RFX7: variants seen among roughly 807,000 people sequenced by gnomAD.
The protein encoded by RFX7 is regulatory factor X7.
Under a neutral mutation model 111.8 loss-of-function variants are expected in RFX7, and 26 were observed. The observed-to-expected ratio is 0.23, with a 90% CI of 0.17 to 0.32. The LOEUF is 0.32. Among genes scored for constraint, RFX7 ranks in the 10% least tolerant of loss-of-function variants. The probability of loss-of-function intolerance (pLI) is 1.00; values close to 1 mark genes in which losing one functional copy is unlikely to be tolerated. For synonymous variants in RFX7, 624 were observed against 624.4 expected (o/e 1.00, Z 0.01); for missense variants, 1,573 against 1,772.9 (o/e 0.89, Z 2.02).
intron 3 of RFX7, among the ~76,000 whole-genome samples, chr15:56,178,075 T>C (rs1284434657): frequency 6.6e-6 from 1 of 151,192 alleles, no homozygotes; most frequent in Admixed American, 6.6e-5. Flanking sequence ...GCAAGAGCAT[T>C]GGTGTCTTCA....
At chr15:56,239,062 G>A (rs2043657227) in intron 2 of RFX7, among the ~76,000 whole-genome samples, 1 of 152,044 alleles carries the variant, frequency 6.6e-6, no homozygotes, top group Non-Finnish European at 1.5e-5. Context: ...GCAAACTCCT[G>A]AACTCAGGCA....
intron 2 of RFX7, 83 bp downstream of exon 2, chr15:56,243,042 T>G: frequency 6.8e-4 from 371 of 543,018 alleles, no homozygotes; most frequent in Non-Finnish European, 1.1e-3. Context: ...CCTCCTCCGC[T>G]CCCCCCGCCC....
At chr15:56,230,141 G>A (rs189103331) in intron 2 of RFX7, among the ~76,000 whole-genome samples, 16 of 152,254 alleles carry the variant, frequency 1.1e-4, no homozygotes, top group African/African-American at 3.6e-4. Flanking sequence ...TCAATGTTAA[G>A]GGGTCTTTAA....
At chr15:56,127,142 T>G (rs1412558268) in intron 5 of RFX7, among the ~76,000 whole-genome samples, 1 of 152,070 alleles carries the variant, frequency 6.6e-6, no homozygotes, top group Non-Finnish European at 1.5e-5. Flanking sequence ...ACAATGTATT[T>G]TCCCTGGTCA....
intron 6 of RFX7, 43 bp downstream of exon 6, chr15:56,103,511 G>T: frequency 1.6e-6 from 2 of 1,233,434 alleles, no homozygotes; most frequent in South Asian, 1.4e-5. Context: ...TATAACAAGT[G>T]AGAACACAGA....
intron 2 of RFX7, among the ~76,000 whole-genome samples, chr15:56,181,204 C>G (rs1485212218): frequency 6.6e-6 from 1 of 152,224 alleles, no homozygotes; most frequent in African/African-American, 2.4e-5. Context: ...AGCCAGGCAG[C>G]CTCCGTGATA....
chr15:56,161,383 T>C (rs1203520219), intron 3 of RFX7, among the ~76,000 whole-genome samples: 2 of 152,200 alleles, frequency 1.3e-5, no homozygotes, highest in East Asian at 3.9e-4. Context: ...TACTCCAAGA[T>C]AGACATGTAA....
At position 56,094,379 on chromosome 15, in the gene RFX7, G is replaced by T. The variant is rs7170589; in HGVS notation, c.3349C>A (p.His1117Asn). The T allele has an allele frequency of 1.9e-6, 3 of 1,613,836 alleles. No individual in the cohort carries two copies. In the African/African-American group the frequency reaches 4.0e-5, roughly 22 times the overall value. Reference protein sequence around the residue: ...YQSQSRHHDTHFGRLTPVSPV... With the variant: ...YQSQSRHHDTNFGRLTPVSPV... ...GAGACAGGAGTCAAACGACCAAAATGAGTGTCATGATGTCTGGATTGAGAC... is the reference window on the plus strand; with the variant it reads ...GAGACAGGAGTCAAACGACCAAAATTAGTGTCATGATGTCTGGATTGAGAC... Residue 1117 changes from histidine to asparagine, a missense_variant, in exon 10 of 10, where the codon CAT becomes AAT. Transcript: ENST00000559447.
intron 3 of RFX7, among the ~76,000 whole-genome samples, chr15:56,148,564 C>T (rs1471129210): frequency 6.6e-6 from 1 of 152,170 alleles, no homozygotes; most frequent in African/African-American, 2.4e-5. Flanking sequence ...ACCCCCTTCC[C>T]TTCTAAAACT....
intron 3 of RFX7, among the ~76,000 whole-genome samples, chr15:56,152,230 C>G (rs1180231014): frequency 2.0e-5 from 3 of 152,148 alleles, no homozygotes; most frequent in African/African-American, 7.2e-5. Context: ...AACTCTCCAC[C>G]CCAAATCAAC....
chr15:56,244,417 G>GC (rs2043788442), upstream of RFX7: 1 of 152,194 alleles, frequency 6.6e-6, no homozygotes, highest in South Asian at 2.1e-4. Context: ...GGCATTCAAA[G>GC]CCCTCCAAAT....
intron 2 of RFX7, among the ~76,000 whole-genome samples, chr15:56,207,944 G>A (rs1244972924): frequency 1.3e-5 from 2 of 152,152 alleles, no homozygotes; most frequent in Admixed American, 6.5e-5. Context: ...AAACCTGCAT[G>A]AGAATCTGTA....
At chr15:56,211,226 C>A (rs1015191825) in intron 2 of RFX7, among the ~76,000 whole-genome samples, 2 of 152,094 alleles carry the variant, frequency 1.3e-5, no homozygotes, top group Non-Finnish European at 2.9e-5. Flanking sequence ...CAATCCTCTA[C>A]AGTCCTTTTC....
intron 3 of RFX7, among the ~76,000 whole-genome samples, chr15:56,149,058 C>T (rs1226529540): frequency 2.1e-5 from 3 of 142,528 alleles, no homozygotes; most frequent in African/African-American, 7.9e-5. Context: ...ACTCCAGCCT[C>T]AGCGACAGAG....
At chr15:56,131,835 G>A (rs1181840156) in intron 5 of RFX7, among the ~76,000 whole-genome samples, 3 of 151,646 alleles carry the variant, frequency 2.0e-5, no homozygotes, top group African/African-American at 4.9e-5. Context: ...AAGATTCACA[G>A]GATAAACTAT....
intron 3 of RFX7, among the ~76,000 whole-genome samples, chr15:56,154,813 A>T (rs2141062162): frequency 6.6e-6 from 1 of 152,376 alleles, no homozygotes; most frequent in South Asian, 2.1e-4. Context: ...GCTTCTGCAC[A>T]GCAAAAGAAA....
chr15:56,179,761 A>AACAC (rs58597217), intron 2 of RFX7, among the ~76,000 whole-genome samples: 5,373 of 137,166 alleles, frequency 0.039, 116 homozygotes, highest in African/African-American at 0.045. Flanking sequence ...TCTCTGTCTC[A>AACAC]ACACACACAC....
In RFX7 at chr15:56,102,204, G is replaced by A. The variant is rs968796871; in HGVS notation, c.568C>T (p.Leu190=). 3.1e-6 allele frequency: 5 copies of A among 1,613,022 alleles called. No homozygotes were observed. In the African/African-American group the frequency reaches 5.3e-5, roughly 17 times the overall value. ...GTTTTGTGAAAGTCAAGGTTGGGCA[G>A]TGTTGGCATATGAACAAAAGCTTTT... The part of the protein sequence containing the change: ...RKKAFVHMPT[L]PNLDFHKTGD... The change falls in exon 7 of 10, where the codon CTG becomes TTG. Residue 190 remains leucine, a synonymous_variant. Transcript: ENST00000559447.
At position 56,098,269 on chromosome 15, in the gene RFX7, A is replaced by G. The variant is rs756781323; in HGVS notation, c.919T>C (p.Leu307=). ...LPSPIDAKQQ[L]QRKIQKKQQE... is the part of the protein sequence containing the mutation. ...TGCTTCTTCTGGATTTTCCGTTGCA[A>G]CTGCTGTTTAGCATCAATTGGAGAT... The change falls in exon 9 of 10, where the codon TTG becomes CTG. Residue 307 remains leucine (L), a synonymous_variant. Coordinates refer to ENST00000559447, the MANE Select transcript of RFX7 (RefSeq NM_022841.7). The G allele has an allele frequency of 6.2e-7, 1 of 1,613,938 alleles. No individual in the cohort carries two copies. Among genetic ancestry groups the G allele is most frequent in the Non-Finnish European group, 8.5e-7 (1 of 1,179,840 alleles).
Sources: gnomAD v4.1 joint callset for allele counts (sites outside exome capture counted in the v4.1 genomes callset) on GRCh38, gnomAD v4.1.1 for gene constraint, MANE v1.5 for transcripts, NCBI Gene and HGNC (gene_info 2026-07-23, HGNC 2026-07-21) for gene names.